The following GABRA4 variants were observed in gnomAD, a reference collection of about 807,000 sequenced individuals.
GABRA4 encodes the protein gamma-aminobutyric acid type A receptor subunit alpha4, also known as gamma-aminobutyric acid receptor subunit alpha-4.
In GABRA4, 12 loss-of-function variants were observed where a neutral mutation model predicts 49.7. That is an observed-to-expected ratio of 0.24 (90% CI 0.15 to 0.39). GABRA4 has a LOEUF of 0.39. Ranked by LOEUF, GABRA4 falls within the 10% of genes least tolerant of loss-of-function variation. The pLI, the probability that GABRA4 is intolerant of heterozygous loss-of-function variation, is 1.00. For missense variants in GABRA4, 506 were observed against 686.0 expected (o/e 0.74, Z 2.93); for synonymous variants, 288 against 240.2 (o/e 1.20, Z -1.84).
intron 5 of GABRA4, among the ~76,000 whole-genome samples, chr4:46,975,869 A>G (rs911997818): frequency 2.6e-5 from 4 of 151,952 alleles, no homozygotes; most frequent in African/African-American, 9.7e-5. Context: ...CTCTCATTAA[A>G]TTATTGGTAA....
At chr4:46,948,531 A>C (rs536944153) in intron 8 of GABRA4, among the ~76,000 whole-genome samples, 1 of 152,000 alleles carries the variant, frequency 6.6e-6, no homozygotes, top group African/African-American at 2.4e-5. Flanking sequence ...AAATAAACAT[A>C]TATAATATTT....
chr4:46,939,325 A>T (rs796517931), intron 8 of GABRA4, among the ~76,000 whole-genome samples: 15 of 152,162 alleles, frequency 9.9e-5, no homozygotes, highest in African/African-American at 3.6e-4. Context: ...CCAGGCAGAA[A>T]TCCTGAATCA....
At chr4:46,992,100 G>A (rs944580621) in intron 2 of GABRA4, among the ~76,000 whole-genome samples, 6 of 152,114 alleles carry the variant, frequency 3.9e-5, no homozygotes, top group African/African-American at 4.8e-5. Flanking sequence ...AGTACCTAGC[G>A]CAAAGCTTGC....
At chr4:46,957,003 T>A (rs956464249) in intron 8 of GABRA4, among the ~76,000 whole-genome samples, 11 of 152,040 alleles carry the variant, frequency 7.2e-5, no homozygotes, top group African/African-American at 2.7e-4. Context: ...CAGAATATTA[T>A]AAAGTGATAA....
At chr4:46,969,002 C>A (rs1381218912) in intron 7 of GABRA4, among the ~76,000 whole-genome samples, 1 of 151,652 alleles carries the variant, frequency 6.6e-6, no homozygotes, top group African/African-American at 2.4e-5. Flanking sequence ...GGCATTATTT[C>A]AAGTGCTTTT....
chr4:46,993,542 C>A lies in GABRA4; in HGVS notation c.-118G>T, dbSNP rs919605757. 6.5e-6 allele frequency: 7 copies of A among 1,072,012 alleles called. No individual in the cohort carries two copies. The South Asian group carries it at 9.9e-5, about 15-fold the overall frequency. 66.4% of individuals were successfully genotyped at this position (1,072,012 alleles called of 1,614,324 possible). A position where few individuals can be genotyped will look rare whatever the true frequency, so the allele number is the denominator to read the frequency against. ...CGGCGTGCGCACACTCGCGCTCACA[C>A]TCGCCCGCGCTCAGCCAGCCCGAGC... On this transcript the variant is annotated 5_prime_UTR_variant, in exon 1 of 9. Coordinates refer to ENST00000264318, the MANE Select transcript of GABRA4 (RefSeq NM_000809.4).
At chr4:46,967,469 T>C (rs1722806830) in intron 7 of GABRA4, among the ~76,000 whole-genome samples, 1 of 151,650 alleles carries the variant, frequency 6.6e-6, no homozygotes, top group Non-Finnish European at 1.5e-5. Context: ...AACAGAATAC[T>C]AATGCAGTTA....
chr4:46,930,772 A>G (rs890558938), intron 8 of GABRA4, among the ~76,000 whole-genome samples: 18 of 151,936 alleles, frequency 1.2e-4, no homozygotes, highest in Non-Finnish European at 2.1e-4. Flanking sequence ...TCCAGCCAAA[A>G]TGAAGTAACA....
chr4:46,990,334 C>G (rs868417877), intron 2 of GABRA4, among the ~76,000 whole-genome samples: 1 of 152,050 alleles, frequency 6.6e-6, no homozygotes, highest in East Asian at 1.9e-4. Context: ...TAACCAAAAC[C>G]CAGTAATGGC....
intron 8 of GABRA4, among the ~76,000 whole-genome samples, chr4:46,961,418 A>T (rs2109370241): frequency 6.6e-6 from 1 of 151,380 alleles, no homozygotes; most frequent in South Asian, 2.1e-4. Flanking sequence ...CTAACACATC[A>T]CCTGTTTTGT....
At chr4:46,955,523 T>G (rs62303700) in intron 8 of GABRA4, among the ~76,000 whole-genome samples, 7,599 of 152,188 alleles carry the variant, frequency 0.05, 280 homozygotes, top group Admixed American at 0.083. Flanking sequence ...GAAGCTCAAC[T>G]CTGCTACAAT....
intron 8 of GABRA4, among the ~76,000 whole-genome samples, chr4:46,961,962 GT>G (rs1418941298): frequency 6.6e-6 from 1 of 151,960 alleles, no homozygotes; most frequent in Admixed American, 6.6e-5. Context: ...CTTTTTAATT[GT>G]TTGTTTGTTT....
intron 4 of GABRA4, 25 bp downstream of exon 4, chr4:46,977,385 G>A: frequency 8.0e-7 from 1 of 1,252,138 alleles, no homozygotes; most frequent in South Asian, 1.4e-5. Flanking sequence ...AAAAAAGGAA[G>A]GGAAGAAGTA....
intron 8 of GABRA4, among the ~76,000 whole-genome samples, chr4:46,939,552 T>C (rs148959219): frequency 6.6e-6 from 1 of 152,084 alleles, no homozygotes; most frequent in Non-Finnish European, 1.5e-5. Context: ...GAATCCCAAA[T>C]ACATACTCTT....
At chr4:46,952,839 G>T (rs1722218552) in intron 8 of GABRA4, among the ~76,000 whole-genome samples, 1 of 151,928 alleles carries the variant, frequency 6.6e-6, no homozygotes, top group Non-Finnish European at 1.5e-5. Flanking sequence ...GGAAAAAAAA[G>T]ATTATAAAAT....
chr4:46,988,146 G>T (rs1723608502), intron 2 of GABRA4, among the ~76,000 whole-genome samples: 1 of 152,012 alleles, frequency 6.6e-6, no homozygotes, highest in Admixed American at 6.6e-5. Flanking sequence ...TTAAGTCTTA[G>T]CTTAAAAGAC....
chr4:46,985,985 G>A (rs1226321004), intron 2 of GABRA4, among the ~76,000 whole-genome samples: 1 of 151,502 alleles, frequency 6.6e-6, no homozygotes, highest in Non-Finnish European at 1.5e-5. Flanking sequence ...AAAAAGAAAG[G>A]CAAACTTTTC....
chr4:46,987,333 C>T (rs964221224), intron 2 of GABRA4, among the ~76,000 whole-genome samples: 1 of 152,156 alleles, frequency 6.6e-6, no homozygotes, highest in Admixed American at 6.5e-5. Flanking sequence ...ATTCAAACAG[C>T]ACCTTCTTAG....
chr4:46,943,580 T>C (rs747483192), intron 8 of GABRA4, among the ~76,000 whole-genome samples: 14 of 152,096 alleles, frequency 9.2e-5, no homozygotes, highest in Non-Finnish European at 1.6e-4. Flanking sequence ...GCATTCTACA[T>C]GATTTGGGCC....
Sources: gnomAD v4.1 joint callset for allele counts (sites outside exome capture counted in the v4.1 genomes callset) on GRCh38, gnomAD v4.1.1 for gene constraint, MANE v1.5 for transcripts, NCBI Gene and HGNC (gene_info 2026-07-23, HGNC 2026-07-21) for gene names.